Variants in BMPR1B observed in about 807,000 individuals in gnomAD.
BMPR1B encodes bone morphogenetic protein receptor type 1B, also known as bone morphogenetic protein receptor type-1B.
Under a neutral mutation model 59.1 loss-of-function variants are expected in BMPR1B, and 12 were observed. That is an observed-to-expected ratio of 0.20 (90% CI 0.13 to 0.33). The LOEUF (loss-of-function observed/expected upper bound fraction) is 0.33, where lower values mean the gene tolerates loss of function less well. Ranked by LOEUF, BMPR1B falls within the 10% of genes least tolerant of loss-of-function variation. The pLI, the probability that BMPR1B is intolerant of heterozygous loss-of-function variation, is 1.00. For missense variants in BMPR1B, 550 were observed against 610.9 expected (o/e 0.90, Z 1.05); for synonymous variants, 237 against 207.3 (o/e 1.14, Z -1.23).
chr4:94,978,733 T>C (rs1479836390), intron 2 of BMPR1B, among the ~76,000 whole-genome samples: 1 of 152,024 alleles, frequency 6.6e-6, no homozygotes, highest in Admixed American at 6.6e-5. Context: ...AAGAAGAACA[T>C]TTCGAATGGG....
chr4:94,848,102 A>G lies in BMPR1B; in HGVS notation c.-182-27729A>G, dbSNP rs1168879139. ...ATTAAAAAAATTCAAGGATGTAAGC[A>G]TAAGAAATATCCAGTTTAATACAGG... On this transcript the variant is annotated intron_variant, in intron 1 of 12. Transcript: ENST00000515059. 2.6e-5 allele frequency among the ~76,000 whole-genome samples: 4 copies of G among 152,342 alleles called. No homozygotes were observed. The East Asian group carries it at 7.7e-4, about 29-fold the overall frequency.
At chr4:94,815,878 G>A (rs1723991565) in intron 1 of BMPR1B, among the ~76,000 whole-genome samples, 1 of 152,136 alleles carries the variant, frequency 6.6e-6, no homozygotes, top group Non-Finnish European at 1.5e-5. Context: ...AGTGTGATCT[G>A]TTGTATCAGT....
At chr4:95,104,161 A>T (rs541731389) in intron 3 of BMPR1B, among the ~76,000 whole-genome samples, 1 of 152,140 alleles carries the variant, frequency 6.6e-6, no homozygotes, top group East Asian at 1.9e-4. Context: ...TATTAAATAT[A>T]GCTGTTACAA....
chr4:94,983,304 G>A (rs1721210594), intron 2 of BMPR1B, among the ~76,000 whole-genome samples: 1 of 151,966 alleles, frequency 6.6e-6, no homozygotes, highest in South Asian at 2.1e-4. Context: ...CCACTAGTAT[G>A]TAAAGTCCAT....
chr4:94,908,061 T>TAAAAAAAA (rs571793477), intron 2 of BMPR1B, among the ~76,000 whole-genome samples: 36 of 46,240 alleles, frequency 7.8e-4, no homozygotes, highest in African/African-American at 1.4e-3. Context: ...ACCCTGTCTT[T>TAAAAAAAA]AAAAAAAAAA....
chr4:94,905,599 A>G (rs1307435116), intron 2 of BMPR1B, among the ~76,000 whole-genome samples: 1 of 151,776 alleles, frequency 6.6e-6, no homozygotes, highest in African/African-American at 2.4e-5. Flanking sequence ...CTTTTAATAA[A>G]TTTCATTATG....
At chr4:95,075,897 T>TC (rs1165200042) in intron 3 of BMPR1B, among the ~76,000 whole-genome samples, 1 of 152,096 alleles carries the variant, frequency 6.6e-6, no homozygotes, top group Admixed American at 6.6e-5. Context: ...TGATGTCCAT[T>TC]CTTTTTTTTT....
chr4:94,981,005 A>AGCGCGCG (rs1553923782), intron 2 of BMPR1B, among the ~76,000 whole-genome samples: 1 of 122,710 alleles, frequency 8.1e-6, no homozygotes, highest in Non-Finnish European at 1.8e-5. Flanking sequence ...ACACACACAC[A>AGCGCGCG]CACACACACA....
At chr4:94,863,745 A>T (rs1273403843) in intron 1 of BMPR1B, among the ~76,000 whole-genome samples, 1 of 152,210 alleles carries the variant, frequency 6.6e-6, no homozygotes, top group East Asian at 1.9e-4. Context: ...CCAGACTCAA[A>T]CTTATTTCAG....
chr4:95,042,577 A>G (rs1428153488), intron 3 of BMPR1B, among the ~76,000 whole-genome samples: 1 of 152,220 alleles, frequency 6.6e-6, no homozygotes, highest in Admixed American at 6.5e-5. Flanking sequence ...TTTGAAATCC[A>G]AAGCAGTTCT....
chr4:95,026,184 C>G (rs545682986), intron 3 of BMPR1B, among the ~76,000 whole-genome samples: 1 of 97,282 alleles, frequency 1.0e-5, no homozygotes, highest in African/African-American at 3.4e-5. Context: ...TTCTGTAGAT[C>G]GAAGAACATA....
chr4:94,920,081 A>G (rs1174331616), intron 2 of BMPR1B, among the ~76,000 whole-genome samples: 1 of 152,148 alleles, frequency 6.6e-6, no homozygotes, highest in Non-Finnish European at 1.5e-5. Context: ...AGATTCTTCA[A>G]ACAGTGCTTT....
chr4:95,070,230 G>T (rs796302835), intron 3 of BMPR1B, among the ~76,000 whole-genome samples: 10 of 152,304 alleles, frequency 6.6e-5, no homozygotes, highest in African/African-American at 2.4e-4. Context: ...AATCAGGTAA[G>T]AAATGATGAG....
intron 1 of BMPR1B, among the ~76,000 whole-genome samples, chr4:94,814,717 G>A (rs1167592366): frequency 2.6e-5 from 4 of 152,092 alleles, no homozygotes; most frequent in African/African-American, 4.8e-5. Flanking sequence ...GCCATTAAAC[G>A]TTTGCTATGT....
intron 3 of BMPR1B, among the ~76,000 whole-genome samples, chr4:95,002,081 T>A (rs6841746): frequency 6.6e-6 from 1 of 152,100 alleles, no homozygotes; most frequent in Non-Finnish European, 1.5e-5. Context: ...GATCCCATCA[T>A]CCAAGTAGTG....
intron 2 of BMPR1B, among the ~76,000 whole-genome samples, chr4:94,968,004 G>A (rs78114639): frequency 0.021 from 3,245 of 152,248 alleles, 128 homozygotes; most frequent in African/African-American, 0.073. Context: ...TGAAGGCAGT[G>A]ATAATAACAT....
intron 1 of BMPR1B, among the ~76,000 whole-genome samples, chr4:94,791,912 C>A (rs546573924): frequency 6.6e-6 from 1 of 151,962 alleles, no homozygotes; most frequent in East Asian, 1.9e-4. Flanking sequence ...ATTTCCTAAC[C>A]GCATCTTTGC....
rs907900951 is a variant in BMPR1B at position 94,835,595 on chromosome 4, T to C, written c.-182-40236T>C. 4.6e-5 allele frequency among the ~76,000 whole-genome samples: 7 copies of C among 152,322 alleles called. 1 individual carries two copies. The highest frequency in any genetic ancestry group is 3.4e-3 in the Middle Eastern group (1 of 294). ...TCTTTGGTAACAACCAAATGTGGTG[T>C]GAAAGATACAATAATATATTTTTAG... On this transcript the variant is annotated intron_variant, in intron 1 of 12. Transcript: ENST00000515059.
chr4:95,147,420 G>GT (rs1221178336), intron 10 of BMPR1B, among the ~76,000 whole-genome samples: 1 of 152,016 alleles, frequency 6.6e-6, no homozygotes, highest in Non-Finnish European at 1.5e-5. Context: ...TTTGATTTTT[G>GT]TTTTTTTCCT....
Sources: allele counts gnomAD v4.1 joint callset (sites outside exome capture counted in the v4.1 genomes callset), GRCh38; gene constraint gnomAD v4.1.1; transcripts MANE v1.5; gene names NCBI Gene and HGNC (gene_info 2026-07-23, HGNC 2026-07-21).